Variants in DHCR24 observed in about 807,000 individuals in gnomAD.
DHCR24 encodes delta(24)-sterol reductase.
In DHCR24, 28 loss-of-function variants were observed where a neutral mutation model predicts 61.2. The ratio of observed to expected loss-of-function variants is 0.46; its 90% CI spans 0.34 to 0.63. The LOEUF is 0.63. Among genes scored for constraint, DHCR24 ranks in the 20% least tolerant of loss-of-function variants. DHCR24 has a pLI of 0.01. For synonymous variants in DHCR24, 261 were observed against 275.9 expected, an observed-to-expected ratio of 0.95 and a Z score of 0.54; for missense variants, 538 against 679.1, an observed-to-expected ratio of 0.79 and a Z score of 2.31.
At chr1:54,886,741 TTCCAACCCCTC>T in intron 1 of DHCR24, 137 bp downstream of exon 1, 1 of 1,332,372 alleles carries the variant, frequency 7.5e-7, no homozygotes, top group Non-Finnish European at 9.9e-7. Flanking sequence ...TTTTGTTTCG[TTCCAACCCCTC>T]TCCAACGCCA....
chr1:54,869,949 C>T (rs956640475), intron 5 of DHCR24, among the ~76,000 whole-genome samples: 4 of 151,372 alleles, frequency 2.6e-5, no homozygotes, highest in African/African-American at 7.3e-5. Flanking sequence ...CAGCTACTTA[C>T]GAGGCTGAGG....
chr1:54,856,982 T>G (rs1234179745), intron 6 of DHCR24, among the ~76,000 whole-genome samples: 1 of 152,220 alleles, frequency 6.6e-6, no homozygotes, highest in African/African-American at 2.4e-5. Context: ...TGCCTGTCTC[T>G]AATTCTGAGT....
intron 2 of DHCR24, among the ~76,000 whole-genome samples, chr1:54,878,700 C>T (rs1647048715): frequency 6.6e-6 from 1 of 151,922 alleles, no homozygotes; most frequent in African/African-American, 2.4e-5. Flanking sequence ...CTTCCCTGGC[C>T]CCATCTAAAA....
At chr1:54,860,041 C>T (rs1646927222) in intron 6 of DHCR24, among the ~76,000 whole-genome samples, 1 of 152,168 alleles carries the variant, frequency 6.6e-6, no homozygotes, top group Non-Finnish European at 1.5e-5. Flanking sequence ...GACCCCATAG[C>T]CCCTCCAGGC....
chr1:54,880,127 G>A (rs1040062964), intron 2 of DHCR24, among the ~76,000 whole-genome samples: 3 of 152,078 alleles, frequency 2.0e-5, no homozygotes, highest in Non-Finnish European at 4.4e-5. Context: ...GAAAAAAAGA[G>A]AACAGAAACA....
intron 6 of DHCR24, among the ~76,000 whole-genome samples, chr1:54,856,534 G>A (rs929577706): frequency 2.0e-5 from 3 of 152,048 alleles, no homozygotes; most frequent in East Asian, 3.9e-4. Context: ...GCGGAGAGGC[G>A]GAGGTTGCAG....
intron 6 of DHCR24, among the ~76,000 whole-genome samples, chr1:54,855,250 CG>C (rs1646900108): frequency 1.3e-5 from 2 of 152,024 alleles, no homozygotes; most frequent in South Asian, 4.2e-4. Flanking sequence ...AAAAATTAGC[CG>C]GGCATGGTGG....
At chr1:54,876,990 G>A (rs1647037375) in intron 2 of DHCR24, among the ~76,000 whole-genome samples, 1 of 151,838 alleles carries the variant, frequency 6.6e-6, no homozygotes, top group African/African-American at 2.4e-5. Flanking sequence ...ACTTGAAGCA[G>A]GGAGAGGGCT....
chr1:54,883,905 G>C lies in DHCR24; in HGVS notation c.232-132C>G, dbSNP rs182016965. 13 of 1,282,970 alleles carry C rather than the reference G, an allele frequency of 1.0e-5. No individual in the cohort carries two copies. The African/African-American group carries it at 1.3e-4, about 13-fold the overall frequency. 79.5% of individuals were successfully genotyped at this position (1,282,970 alleles called of 1,614,324 possible). Reference sequence around the variant, plus strand: ...ACTGGAGAAACAGAACAATGAAAAGGCCTGCTGGCCCTACCCTCTGGCACC... The same window carrying C: ...ACTGGAGAAACAGAACAATGAAAAGCCCTGCTGGCCCTACCCTCTGGCACC... On this transcript the variant is annotated intron_variant, in intron 1 of 8. Coordinates refer to ENST00000371269, the MANE Select transcript of DHCR24 (RefSeq NM_014762.4). The surrounding 1 kb of genome is among the most constrained non-coding windows in gnomAD (Gnocchi z 4.3).
At position 54,887,173 on chromosome 1, in the gene DHCR24, C is replaced by T. The variant is rs1647105063; in HGVS notation, c.-54G>A. ...GGTTCGCGCCTCCTGTCACTGCCGCCAGCTCCGCGCCTGGCCCGCTCTGCG... is the reference window on the plus strand; with the variant it reads ...GGTTCGCGCCTCCTGTCACTGCCGCTAGCTCCGCGCCTGGCCCGCTCTGCG... On this transcript the variant is annotated 5_prime_UTR_variant, in exon 1 of 9. Coordinates refer to ENST00000371269, the MANE Select transcript of DHCR24 (RefSeq NM_014762.4). 1 of 1,462,402 alleles carries T rather than the reference C, an allele frequency of 6.8e-7. No individual in the cohort carries two copies. 90.6% of individuals were successfully genotyped at this position (1,462,402 alleles called of 1,614,324 possible).
Position 54,850,498 on chromosome 1 carries a change from C to T in DHCR24, c.*1735G>A, listed in dbSNP as rs1390985824. On this transcript the variant is annotated 3_prime_UTR_variant, in exon 9 of 9. Coordinates refer to ENST00000371269, the MANE Select transcript of DHCR24 (RefSeq NM_014762.4). The stretch of plus-strand genomic sequence containing the variant: ...CTGGATGCCCCCAGCCCTCACAAGA[C>T]CCTGCTAAGACACTGGCAGTGTGCC... 1 of 152,236 alleles carries T rather than the reference C, an allele frequency of 6.6e-6. No homozygotes were observed. Among genetic ancestry groups the T allele is most frequent in the Non-Finnish European group, 1.5e-5 (1 of 68,070 alleles). 9.4% of individuals were successfully genotyped at this position (152,236 alleles called of 1,614,324 possible).
Position 54,886,532 on chromosome 1 carries a change from T to C in DHCR24, c.231+357A>G, listed in dbSNP as rs2101580630. The C allele has an allele frequency of 3.4e-6, 4 of 1,190,614 alleles. No homozygotes were observed. The South Asian group carries it at 3.8e-5, about 11-fold the overall frequency. 73.8% of individuals were successfully genotyped at this position (1,190,614 alleles called of 1,614,324 possible). The stretch of plus-strand genomic sequence containing the variant: ...CCACCCACACACCTTCCCCCAATCA[T>C]TTCCCATACTTCCCAATCTCTAGAC... On this transcript the variant is annotated intron_variant, in intron 1 of 8. Transcript: ENST00000371269.
intron 2 of DHCR24, among the ~76,000 whole-genome samples, chr1:54,878,215 C>G (rs1178220473): frequency 6.6e-6 from 1 of 151,462 alleles, no homozygotes; most frequent in Non-Finnish European, 1.5e-5. Context: ...GAAAAGACAA[C>G]AGGTAATAGG....
chr1:54,870,558 T>C (rs1215525468), intron 5 of DHCR24, among the ~76,000 whole-genome samples: 1 of 152,246 alleles, frequency 6.6e-6, no homozygotes, highest in African/African-American at 2.4e-5. Context: ...AAATCATCTC[T>C]AGATTTCTCA....
Position 54,871,526 on chromosome 1 carries a change from C to A in DHCR24, c.700G>T (p.Ala234Ser). 6.2e-7 allele frequency: 1 copy of A among 1,614,242 alleles called. No homozygotes were observed. Among genetic ancestry groups the A allele is most frequent in the Non-Finnish European group, 8.5e-7 (1 of 1,180,048 alleles). ...AAACGCAGCTTGACGTACTTCTTGGCAGGGATGATGCGGATCTCAGCGGCC... is the reference window on the plus strand; with the variant it reads ...AAACGCAGCTTGACGTACTTCTTGGAAGGGATGATGCGGATCTCAGCGGCC... ...LVAAEIRIIPAKKYVKLRFEP... is the reference protein window; with the variant it reads ...LVAAEIRIIPSKKYVKLRFEP... Residue 234 changes from alanine to serine, a missense_variant, in exon 5 of 9, where the codon GCC (alanine) becomes TCC (serine). Coordinates refer to ENST00000371269, the MANE Select transcript of DHCR24 (RefSeq NM_014762.4).
intron 1 of DHCR24, chr1:54,886,481 C>A (rs1191532412): frequency 2.6e-6 from 2 of 761,854 alleles, no homozygotes; most frequent in Non-Finnish European, 3.9e-6. Flanking sequence ...TTGTCGGCTT[C>A]CCAGCATTTG....
At chr1:54,868,308 A>T (rs1646978616) in intron 5 of DHCR24, among the ~76,000 whole-genome samples, 1 of 152,058 alleles carries the variant, frequency 6.6e-6, no homozygotes, top group Non-Finnish European at 1.5e-5. Context: ...ATCTCTACTA[A>T]AAATACAAAA....
intron 5 of DHCR24, 128 bp downstream of exon 5, chr1:54,871,222 C>T (rs1027837126): frequency 3.8e-6 from 4 of 1,054,486 alleles, no homozygotes; most frequent in Admixed American, 3.9e-5. Context: ...GCCTGTACCC[C>T]AGGTGGGTTG....
intron 4 of DHCR24, 98 bp from the exon 5 acceptor site, chr1:54,871,711 TCTCA>T (rs1647000994): frequency 6.6e-7 from 1 of 1,515,312 alleles, no homozygotes; most frequent in African/African-American, 1.4e-5. Flanking sequence ...GTCCCTATTC[TCTCA>T]CTCTCTTGTA....
Sources: gnomAD v4.1 joint callset for allele counts (sites outside exome capture counted in the v4.1 genomes callset) on GRCh38, gnomAD v4.1.1 for gene constraint, Gnocchi (gnomAD v3.1) non-coding constraint, MANE v1.5 for transcripts, NCBI Gene and HGNC (gene_info 2026-07-23, HGNC 2026-07-21) for gene names.